SULF1: variants seen among roughly 807,000 people sequenced by gnomAD.
SULF1 encodes sulfatase 1, also known as extracellular sulfatase Sulf-1.
Under a neutral mutation model 110.5 loss-of-function variants are expected in SULF1, and 46 were observed. The observed-to-expected ratio is 0.42, with a 90% confidence interval of 0.33 to 0.53. SULF1 has a LOEUF of 0.53. SULF1 is among the 20% of genes least tolerant of loss of function. The pLI is 0.12. For synonymous variants in SULF1, 371 were observed against 387.1 expected, an observed-to-expected ratio of 0.96 and a Z score of 0.49; for missense variants, 941 against 1,094.2, an observed-to-expected ratio of 0.86 and a Z score of 1.98.
chr8:69,629,191 A>G (rs1810331447), intron 18 of SULF1, among the ~76,000 whole-genome samples: 2 of 151,992 alleles, frequency 1.3e-5, no homozygotes, highest in Non-Finnish European at 2.9e-5. Flanking sequence ...GCGCCACCAC[A>G]TCCAGCTAAT....
chr8:69,472,180 A>C (rs538859739), intron 1 of SULF1, among the ~76,000 whole-genome samples: 1 of 152,294 alleles, frequency 6.6e-6, no homozygotes, highest in South Asian at 2.1e-4. Context: ...CCACTGTGCT[A>C]TGCTGTTGGG....
chr8:69,599,699 G>C lies in SULF1; in HGVS notation c.735-904G>C, dbSNP rs576202159. 1.6e-3 allele frequency among the ~76,000 whole-genome samples: 250 copies of C among 152,272 alleles called. 1 individual carries two copies. The highest frequency in any genetic ancestry group is 5.8e-3 in the African/African-American group (239 of 41,562). On this transcript the variant is annotated intron_variant, in intron 8 of 22. Coordinates refer to ENST00000402687, the MANE Select transcript of SULF1 (RefSeq NM_001128205.2). Reference sequence around the variant, plus strand: ...CAAGTAGATTATAGTCTGTTAAAGAGTTCAAATATAAATAAATAATTCTCA... The same window carrying C: ...CAAGTAGATTATAGTCTGTTAAAGACTTCAAATATAAATAAATAATTCTCA...
chr8:69,627,363 GC>G lies in SULF1; in HGVS notation c.1947+60del, dbSNP rs544514586. On this transcript the variant is annotated intron_variant, in intron 16 of 22. Transcript: ENST00000402687. ...TTCCAAACTCAAACTCGGCCTGCCA[GC>G]CCTGCTGTGTCTGGTGGGACATACC... The G allele has an allele frequency of 1.3e-3, 1,641 of 1,312,760 alleles. 7 individuals carry two copies. Among genetic ancestry groups the G allele is most frequent in the Admixed American group, 2.0e-3 (117 of 57,820 alleles). 81.3% of individuals were successfully genotyped at this position (1,312,760 alleles called of 1,614,324 possible). A position where few individuals can be genotyped will look rare whatever the true frequency, so the allele number is the denominator to read the frequency against.
chr8:69,598,713 G>C (rs1807547827), intron 8 of SULF1, among the ~76,000 whole-genome samples: 1 of 152,156 alleles, frequency 6.6e-6, no homozygotes, highest in Non-Finnish European at 1.5e-5. Context: ...TTTAAGAAAA[G>C]TGCTATTAAC....
intron 13 of SULF1, among the ~76,000 whole-genome samples, chr8:69,619,882 A>G (rs1586566496): frequency 6.6e-6 from 1 of 152,162 alleles, no homozygotes; most frequent in Non-Finnish European, 1.5e-5. Context: ...CAGTGTTACA[A>G]TGCTCTTTTA....
chr8:69,598,077 G>T (rs1183300759), intron 8 of SULF1, among the ~76,000 whole-genome samples: 2 of 146,360 alleles, frequency 1.4e-5, no homozygotes, highest in African/African-American at 2.6e-5. Context: ...TATGACTGTG[G>T]TTTACTTTTA....
intron 22 of SULF1, among the ~76,000 whole-genome samples, chr8:69,651,788 A>G (rs536445098): frequency 1.3e-5 from 2 of 152,140 alleles, no homozygotes; most frequent in Non-Finnish European, 2.9e-5. Context: ...TTTGTATCAT[A>G]TTTTTAAATG....
chr8:69,538,443 A>G (rs1224983919), intron 3 of SULF1, among the ~76,000 whole-genome samples: 1 of 152,138 alleles, frequency 6.6e-6, no homozygotes, highest in Non-Finnish European at 1.5e-5. Flanking sequence ...GTAATGCACT[A>G]AGGCCGGGCC....
chr8:69,466,926 A>C (rs1362731332), exon 1 of SULF1: 1 of 152,212 alleles, frequency 6.6e-6, no homozygotes, highest in Non-Finnish European at 1.5e-5. Flanking sequence ...TTCAGCAGAC[A>C]CAAGAAAAGC....
chr8:69,601,855 T>C (rs1807842810), intron 10 of SULF1, 26 bp downstream of exon 10: 1 of 1,580,884 alleles, frequency 6.3e-7, no homozygotes, highest in Non-Finnish European at 8.6e-7. Flanking sequence ...TTTGCAACAT[T>C]CAACTGTCGT....
At chr8:69,533,931 T>C (rs1813271270) in intron 3 of SULF1, among the ~76,000 whole-genome samples, 1 of 152,132 alleles carries the variant, frequency 6.6e-6, no homozygotes, top group Non-Finnish European at 1.5e-5. Flanking sequence ...AAAAGGCAAA[T>C]AATAGTCTAG....
intron 19 of SULF1, among the ~76,000 whole-genome samples, chr8:69,634,699 T>G: frequency 6.6e-6 from 1 of 151,712 alleles, no homozygotes; most frequent in African/African-American, 2.4e-5. Context: ...TGGAGGAGGC[T>G]GCAGATCACA....
intron 1 of SULF1, among the ~76,000 whole-genome samples, chr8:69,475,202 A>G (rs1179601656): frequency 6.6e-6 from 1 of 152,136 alleles, no homozygotes; most frequent in Admixed American, 6.5e-5. Context: ...TTCATGTCAT[A>G]GCTAAGTCAG....
intron 22 of SULF1, chr8:69,642,245 C>T: frequency 1.0e-6 from 1 of 986,750 alleles, no homozygotes; most frequent in African/African-American, 1.7e-5. Flanking sequence ...TCCTGGTACC[C>T]TGTTCGGCCC....
chr8:69,642,605 A>AT (rs1811567445), intron 22 of SULF1, among the ~76,000 whole-genome samples: 1 of 152,126 alleles, frequency 6.6e-6, no homozygotes, highest in Non-Finnish European at 1.5e-5. Flanking sequence ...ACATTAAGAC[A>AT]TTTTCAAAGT....
chr8:69,576,731 C>T (rs1218139599), intron 6 of SULF1, among the ~76,000 whole-genome samples: 1 of 152,218 alleles, frequency 6.6e-6, no homozygotes, highest in East Asian at 1.9e-4. Context: ...CCTATCCTCC[C>T]AGCATGTAGA....
chr8:69,554,711 G>A (rs1337435868), intron 3 of SULF1, among the ~76,000 whole-genome samples: 3 of 151,580 alleles, frequency 2.0e-5, no homozygotes, highest in African/African-American at 7.3e-5. Context: ...GAGTCGCCGT[G>A]GCTCACACCT....
intron 13 of SULF1, among the ~76,000 whole-genome samples, chr8:69,616,450 G>A (rs919721148): frequency 5.1e-4 from 78 of 151,862 alleles, no homozygotes; most frequent in Non-Finnish European, 4.4e-4. Flanking sequence ...CACCCAGCCC[G>A]GAATGCAGTG....
At chr8:69,483,850 G>A (rs1417764551) in intron 1 of SULF1, among the ~76,000 whole-genome samples, 1 of 152,116 alleles carries the variant, frequency 6.6e-6, no homozygotes, top group African/African-American at 2.4e-5. Flanking sequence ...TGAGAAAGAT[G>A]TCTGTTTTAC....
Sources: allele counts gnomAD v4.1 joint callset (sites outside exome capture counted in the v4.1 genomes callset), GRCh38; gene constraint gnomAD v4.1.1; transcripts MANE v1.5; gene names NCBI Gene and HGNC (gene_info 2026-07-23, HGNC 2026-07-21).